SEC23IP: variants seen among roughly 807,000 people sequenced by gnomAD.
SEC23IP encodes SEC23-interacting protein.
In SEC23IP, 70 loss-of-function variants were observed where a neutral mutation model predicts 113.4. The ratio of observed to expected loss-of-function variants is 0.62; its 90% CI spans 0.51 to 0.75. The LOEUF (loss-of-function observed/expected upper bound fraction) is 0.75. SEC23IP is among the 30% of genes least tolerant of loss of function. SEC23IP has a pLI of 0.00. For missense variants in SEC23IP, 1,160 were observed against 1,204.9 expected (o/e 0.96, Z 0.55); for synonymous variants, 398 against 421.0 (o/e 0.95, Z 0.67).
chr10:119,936,107 CTTTAT>C (rs1178321054), intron 18 of SEC23IP, among the ~76,000 whole-genome samples: 10 of 152,010 alleles, frequency 6.6e-5, no homozygotes, highest in African/African-American at 2.4e-4. Context: ...TATTAAAATA[CTTTAT>C]TTTACCCCAT....
chr10:119,903,714 T>G (rs1472165914), intron 3 of SEC23IP, among the ~76,000 whole-genome samples: 2 of 152,176 alleles, frequency 1.3e-5, no homozygotes, highest in African/African-American at 4.8e-5. Flanking sequence ...ACCGTATTCA[T>G]TATTTATTAT....
chr10:119,892,730 AGTG>A lies in SEC23IP; in HGVS notation c.-49_-47del. ...CCAGGAGCGTGATCGGTTTCCGGTCAGTGGTGTGGTACCGGGTACCCGGAGACG... is the reference window on the plus strand; with the variant it reads ...CCAGGAGCGTGATCGGTTTCCGGTCAGTGTGGTACCGGGTACCCGGAGACG... On this transcript the variant is annotated 5_prime_UTR_variant, in exon 1 of 19. Transcript: ENST00000369075. The A allele has an allele frequency of 2.6e-6, 4 of 1,534,056 alleles. No individual in the cohort carries two copies. The South Asian group carries it at 4.9e-5, about 19-fold the overall frequency.
At position 119,898,942 on chromosome 10, in the gene SEC23IP, C is replaced by G. The variant is rs201448611; in HGVS notation, c.679C>G (p.Pro227Ala). The change falls in exon 2 of 19, where the codon CCA becomes GCA. Residue 227 changes from proline to alanine, a missense_variant. Pro to Ala is a conservative substitution (Grantham distance 27, BLOSUM62 -1). Coordinates refer to ENST00000369075, the MANE Select transcript of SEC23IP (RefSeq NM_007190.4). ...GPPVQMYQMP[P>A]GSLPPVPSSV... ...CCCTGTTCAGATGTACCAGATGCCT[C>G]CAGGATCTTTGCCACCGGTATGGAG... is the stretch of plus-strand genomic sequence containing the variant. 103 of 1,587,958 alleles carry G rather than the reference C, an allele frequency of 6.5e-5. No homozygotes were observed. Among genetic ancestry groups the G allele is most frequent in the Non-Finnish European group, 8.1e-5 (95 of 1,173,252 alleles).
chr10:119,942,707 G>A lies in SEC23IP; in HGVS notation c.*2142G>A, dbSNP rs1171124346. The A allele has an allele frequency of 6.6e-6, 1 of 152,214 alleles. No individual in the cohort carries two copies. Among genetic ancestry groups the A allele is most frequent in the Non-Finnish European group, 1.5e-5 (1 of 68,044 alleles). 9.4% of individuals were successfully genotyped at this position (152,214 alleles called of 1,614,324 possible). ...CCAGCATCTGAAGTCAAAGGTGAAA[G>A]AGTCATCACAGTACTGATGAAGACA... On this transcript the variant is annotated 3_prime_UTR_variant, in exon 19 of 19. Coordinates refer to ENST00000369075, the MANE Select transcript of SEC23IP (RefSeq NM_007190.4).
intron 5 of SEC23IP, 124 bp from the exon 6 acceptor site, chr10:119,911,920 C>T (rs1854876429): frequency 8.7e-6 from 10 of 1,152,310 alleles, no homozygotes; most frequent in Admixed American, 2.4e-5. Context: ...TTTGGGGGAA[C>T]AGTACTAATA....
intron 10 of SEC23IP, 114 bp downstream of exon 10, chr10:119,918,625 T>TGTTG: frequency 1.3e-6 from 1 of 749,578 alleles, no homozygotes; most frequent in Non-Finnish European, 2.3e-6. Context: ...TTTGTTTGTT[T>TGTTG]GTTTTAACTG....
chr10:119,932,956 GATAA>G, intron 16 of SEC23IP, 45 bp from the exon 17 acceptor site: 1 of 1,539,648 alleles, frequency 6.5e-7, no homozygotes, highest in Non-Finnish European at 8.9e-7. Flanking sequence ...AAAGTCAAAG[GATAA>G]AGATTAAGTG....
chr10:119,908,065 T>C (rs1854737073), intron 4 of SEC23IP, among the ~76,000 whole-genome samples: 1 of 152,226 alleles, frequency 6.6e-6, no homozygotes, highest in African/African-American at 2.4e-5. Flanking sequence ...TGTATGTAGG[T>C]TTTATGCAAA....
intron 18 of SEC23IP, among the ~76,000 whole-genome samples, chr10:119,939,640 A>G (rs564714120): frequency 2.0e-5 from 3 of 152,188 alleles, no homozygotes; most frequent in Admixed American, 2.0e-4. Context: ...GTGCCATTGC[A>G]CTCCTGCCTG....
intron 11 of SEC23IP, 59 bp from the exon 12 acceptor site, chr10:119,920,830 C>A: frequency 8.6e-7 from 1 of 1,156,072 alleles, no homozygotes; most frequent in Admixed American, 2.1e-5. Flanking sequence ...TTTTCATATT[C>A]TCATTTCAGT....
chr10:119,899,312 T>A (rs1373562910), intron 2 of SEC23IP, among the ~76,000 whole-genome samples: 1 of 152,222 alleles, frequency 6.6e-6, no homozygotes, highest in Admixed American at 6.5e-5. Flanking sequence ...ATCTTTCAAT[T>A]ACACTAGTCA....
chr10:119,935,515 T>G (rs563292410), intron 18 of SEC23IP, among the ~76,000 whole-genome samples: 1 of 151,394 alleles, frequency 6.6e-6, no homozygotes, highest in East Asian at 1.9e-4. Flanking sequence ...CCTTTGTGTC[T>G]TTGAGATTGT....
chr10:119,898,517 A>T lies in SEC23IP; in HGVS notation c.254A>T (p.Gln85Leu). ...SAPQTFSYFS[Q>L]VSSSSDPFGN... is the part of the protein sequence containing the mutation. ...CCACAGACATTTAGTTACTTCTCTC[A>T]GGTATCAAGCAGCAGTGATCCTTTT... Residue 85 changes from glutamine (Q) to leucine (L), a missense_variant, in exon 2 of 19, where the codon CAG becomes CTG. Gln to Leu is a moderately radical substitution (Grantham distance 113). Coordinates refer to ENST00000369075, the MANE Select transcript of SEC23IP (RefSeq NM_007190.4). 6.2e-7 allele frequency: 1 copy of T among 1,614,158 alleles called. No homozygotes were observed. Among genetic ancestry groups the T allele is most frequent in the Non-Finnish European group, 8.5e-7 (1 of 1,180,016 alleles).
At chr10:119,916,801 A>G (rs895788271) in intron 8 of SEC23IP, among the ~76,000 whole-genome samples, 2 of 152,222 alleles carry the variant, frequency 1.3e-5, no homozygotes, top group African/African-American at 2.4e-5. Flanking sequence ...TATGACTTAT[A>G]TAGCAACTAA....
In SEC23IP at chr10:119,930,363, T is replaced by G. The variant is rs772365064; in HGVS notation, c.2504T>G (p.Ile835Ser). The G allele has an allele frequency of 6.2e-7, 1 of 1,610,262 alleles. No individual in the cohort carries two copies. The highest frequency in any genetic ancestry group is 8.5e-7 in the Non-Finnish European group (1 of 1,176,992). The change falls in exon 15 of 19, where the codon ATT becomes AGT. Residue 835 changes from isoleucine (I) to serine (S), a missense_variant. By Grantham distance (142) the Ile-to-Ser change is moderately radical. Coordinates refer to ENST00000369075, the MANE Select transcript of SEC23IP (RefSeq NM_007190.4). ...DPVAYRLEPMIVPDLDLKAVL... is the reference protein window; with the variant it reads ...DPVAYRLEPMSVPDLDLKAVL... ...GTGGCATATAGATTAGAACCTATGA[T>G]TGTTCCAGATTTGGACCTAAAAGCT...
Position 119,926,237 on chromosome 10 carries a change from C to T in SEC23IP, c.2313+10C>T, listed in dbSNP as rs140615578. Reference sequence around the variant, plus strand: ...AGTTGGCGCCGGACAGGTGAGTTTACATATTGACTGGGGCTACATAGTTCA... The same window carrying T: ...AGTTGGCGCCGGACAGGTGAGTTTATATATTGACTGGGGCTACATAGTTCA... On this transcript the variant is annotated intron_variant, in intron 13 of 18. Coordinates refer to ENST00000369075, the MANE Select transcript of SEC23IP (RefSeq NM_007190.4). 5.1e-4 allele frequency: 822 copies of T among 1,612,684 alleles called. 6 individuals are homozygous for T. The African/African-American group carries it at 9.9e-3, about 19-fold the overall frequency.
At position 119,942,012 on chromosome 10, in the gene SEC23IP, C is replaced by G. The variant is rs1411551848; in HGVS notation, c.*1447C>G. ...GAATATGGTTTTCTTGATTCCCTTTCAGCCTTCATTTCTCTCTCTCAGGAC... is the reference window on the plus strand; with the variant it reads ...GAATATGGTTTTCTTGATTCCCTTTGAGCCTTCATTTCTCTCTCTCAGGAC... On this transcript the variant is annotated 3_prime_UTR_variant, in exon 19 of 19. Transcript: ENST00000369075. The G allele has an allele frequency of 6.6e-6, 1 of 152,190 alleles. No homozygotes were observed. The highest frequency in any genetic ancestry group is 1.5e-5 in the Non-Finnish European group (1 of 68,026). The allele number at this position is 152,190 out of a possible 1,614,324, so 9.4% of individuals were successfully genotyped here. A position where few individuals can be genotyped will look rare whatever the true frequency, so the allele number is the denominator to read the frequency against.
At chr10:119,916,271 G>A (rs1373816216) in intron 8 of SEC23IP, among the ~76,000 whole-genome samples, 1 of 152,184 alleles carries the variant, frequency 6.6e-6, no homozygotes, top group Non-Finnish European at 1.5e-5. Context: ...GAGAACCACA[G>A]ATTCAGAATA....
chr10:119,919,679 A>G (rs1855180633), intron 11 of SEC23IP, 83 bp downstream of exon 11: 1 of 1,107,836 alleles, frequency 9.0e-7, no homozygotes, highest in Admixed American at 2.5e-5. Flanking sequence ...TTTTCGTATC[A>G]AAATACACTC....
Sources: gnomAD v4.1 joint callset for allele counts (sites outside exome capture counted in the v4.1 genomes callset) on GRCh38, gnomAD v4.1.1 for gene constraint, MANE v1.5 for transcripts, NCBI Gene and HGNC (gene_info 2026-07-23, HGNC 2026-07-21) for gene names.